Variants in EBF1 observed in about 807,000 individuals in gnomAD.
EBF1 encodes EBF transcription factor 1.
In EBF1, 10 loss-of-function variants were observed where a neutral mutation model predicts 68.4. The ratio of observed to expected loss-of-function variants is 0.15; its 90% confidence interval spans 0.09 to 0.25. The LOEUF (loss-of-function observed/expected upper bound fraction) is 0.25, where lower values mean the gene tolerates loss of function less well. EBF1 is among the 10% of genes least tolerant of loss of function. The pLI is 1.00. For missense variants in EBF1, 509 were observed against 794.4 expected (o/e 0.64, Z 4.32); for synonymous variants, 298 against 299.8 (o/e 0.99, Z 0.06).
chr5:158,844,451 G>A (rs745686968), intron 6 of EBF1, among the ~76,000 whole-genome samples: 6 of 152,014 alleles, frequency 3.9e-5, no homozygotes, highest in Non-Finnish European at 8.8e-5. Flanking sequence ...AACCAATCTC[G>A]TAAATTGACC....
At chr5:158,898,395 G>A (rs1802590626) in intron 6 of EBF1, among the ~76,000 whole-genome samples, 1 of 152,176 alleles carries the variant, frequency 6.6e-6, no homozygotes, top group Non-Finnish European at 1.5e-5. Flanking sequence ...GTAGTCAAAT[G>A]TGCCCAAGTC....
intron 6 of EBF1, among the ~76,000 whole-genome samples, chr5:159,024,484 C>T (rs6890049): frequency 0.4 from 60,953 of 152,052 alleles, 14,037 homozygotes; most frequent in African/African-American, 0.63. Flanking sequence ...GCTTACACTT[C>T]ATAATCTAAT....
At chr5:158,897,886 G>A (rs1038269637) in intron 6 of EBF1, among the ~76,000 whole-genome samples, 2 of 152,176 alleles carry the variant, frequency 1.3e-5, no homozygotes, top group African/African-American at 4.8e-5. Context: ...AGTGGAAAAT[G>A]GGGATATTAA....
chr5:159,055,906 G>A (rs1477928482), intron 6 of EBF1, among the ~76,000 whole-genome samples: 2 of 152,156 alleles, frequency 1.3e-5, no homozygotes, highest in South Asian at 2.1e-4. Context: ...GATGCTTCAC[G>A]AACATTTATT....
At chr5:158,746,073 T>C (rs1767493701) in intron 10 of EBF1, among the ~76,000 whole-genome samples, 1 of 152,194 alleles carries the variant, frequency 6.6e-6, no homozygotes, top group South Asian at 2.1e-4. Context: ...TTGGGTTATT[T>C]CCAGCTTGGG....
chr5:158,883,361 T>TATATATATAC (rs1799310507), intron 6 of EBF1, among the ~76,000 whole-genome samples: 1 of 129,528 alleles, frequency 7.7e-6, no homozygotes, highest in Non-Finnish European at 1.7e-5. Flanking sequence ...TATATATATA[T>TATATATATAC]ACACATACAT....
intron 10 of EBF1, among the ~76,000 whole-genome samples, chr5:158,732,941 G>T (rs887071432): frequency 1.3e-5 from 2 of 152,072 alleles, no homozygotes; most frequent in African/African-American, 4.8e-5. Flanking sequence ...TTACACCCAG[G>T]TGTATCAAAT....
At chr5:158,883,411 T>G (rs1203856827) in intron 6 of EBF1, among the ~76,000 whole-genome samples, 1 of 149,002 alleles carries the variant, frequency 6.7e-6, no homozygotes, top group Non-Finnish European at 1.5e-5. Context: ...TGTATATATA[T>G]ACATACATAC....
At chr5:159,038,611 T>C (rs1465259859) in intron 6 of EBF1, among the ~76,000 whole-genome samples, 1 of 152,202 alleles carries the variant, frequency 6.6e-6, no homozygotes, top group Non-Finnish European at 1.5e-5. Context: ...GGGTAGCTGA[T>C]AGAGACTATG....
chr5:158,904,521 T>C (rs111664287), intron 6 of EBF1, among the ~76,000 whole-genome samples: 9 of 152,370 alleles, frequency 5.9e-5, no homozygotes, highest in African/African-American at 1.9e-4. Flanking sequence ...GAGCATTCAC[T>C]GAAACATCAA....
At chr5:158,785,709 G>A (rs148191006) in intron 9 of EBF1, among the ~76,000 whole-genome samples, 4 of 152,214 alleles carry the variant, frequency 2.6e-5, no homozygotes, top group Non-Finnish European at 5.9e-5. Flanking sequence ...TAAACTTTAT[G>A]TATGAATGTC....
In EBF1 at chr5:158,768,947, G is replaced by A. The variant is rs372111625; in HGVS notation, c.1036+8466C>T. Among the ~76,000 whole-genome samples the A allele has an allele frequency of 1.6e-4, 25 of 152,222 alleles. No homozygotes were observed. The East Asian group carries it at 4.4e-3, about 27-fold the overall frequency. On this transcript the variant is annotated intron_variant, in intron 10 of 15. Transcript: ENST00000313708. ...GTTATATCATACTAAAAAGATTAGA[G>A]GTTCAAAACTTTACAGTGTTGCATT...
chr5:159,023,999 G>A (rs780259825), intron 6 of EBF1, among the ~76,000 whole-genome samples: 44 of 152,094 alleles, frequency 2.9e-4, no homozygotes, highest in Non-Finnish European at 6.0e-4. Context: ...GATTGCTAGT[G>A]GGATTATTCA....
At chr5:159,012,318 A>G (rs1764834060) in intron 6 of EBF1, among the ~76,000 whole-genome samples, 1 of 151,572 alleles carries the variant, frequency 6.6e-6, no homozygotes, top group Non-Finnish European at 1.5e-5. Flanking sequence ...AAGAAAAGAA[A>G]AGAAAATGCT....
At chr5:158,999,145 C>G (rs986149984) in intron 6 of EBF1, among the ~76,000 whole-genome samples, 1 of 152,048 alleles carries the variant, frequency 6.6e-6, no homozygotes, top group African/African-American at 2.4e-5. Flanking sequence ...TGGCTCTTAC[C>G]CAGAGACTCC....
At chr5:159,022,328 G>A (rs973680519) in intron 6 of EBF1, among the ~76,000 whole-genome samples, 1 of 152,204 alleles carries the variant, frequency 6.6e-6, no homozygotes, top group African/African-American at 2.4e-5. Flanking sequence ...TGTGTCTGCC[G>A]CTTCCCACAG....
At chr5:158,871,462 A>G (rs2128060314) in intron 6 of EBF1, among the ~76,000 whole-genome samples, 1 of 152,370 alleles carries the variant, frequency 6.6e-6, no homozygotes. Flanking sequence ...TAATAATAAT[A>G]ATATGTAGAA....
chr5:158,732,668 C>T (rs1244520071), intron 10 of EBF1, among the ~76,000 whole-genome samples: 1 of 151,786 alleles, frequency 6.6e-6, no homozygotes, highest in Non-Finnish European at 1.5e-5. Flanking sequence ...AGTAAAAAGC[C>T]AATAATTACA....
At chr5:159,005,880 T>TA (rs1333716580) in intron 6 of EBF1, among the ~76,000 whole-genome samples, 2 of 152,212 alleles carry the variant, frequency 1.3e-5, no homozygotes, top group African/African-American at 4.8e-5. Flanking sequence ...GGTTAAGCTA[T>TA]AGGTTAAGAA....
Sources: gnomAD v4.1 joint callset for allele counts (sites outside exome capture counted in the v4.1 genomes callset) on GRCh38, gnomAD v4.1.1 for gene constraint, MANE v1.5 for transcripts, NCBI Gene and HGNC (gene_info 2026-07-23, HGNC 2026-07-21) for gene names.